The following MFSD12 variants were observed in gnomAD, a reference collection of about 807,000 sequenced individuals.
MFSD12 encodes the protein major facilitator superfamily domain containing 12, also known as major facilitator superfamily domain-containing protein 12.
MFSD12 carries 67 observed loss-of-function variants against 51.2 expected under a neutral mutation model. The observed-to-expected ratio is 1.31, with a 90% CI of 1.08 to 1.60. MFSD12 has a LOEUF of 1.60. MFSD12 is among the 40% of genes most tolerant of loss of function. The pLI is 0.00. For synonymous variants in MFSD12, 441 were observed against 316.7 expected, an observed-to-expected ratio of 1.39 and a Z score of -4.17; for missense variants, 921 against 673.0, an observed-to-expected ratio of 1.37 and a Z score of -4.08.
Position 3,544,247 on chromosome 19 carries a change from G to C in MFSD12, c.*463C>G, listed in dbSNP as rs1473625794. 14 of 1,321,800 alleles carry C rather than the reference G, an allele frequency of 1.1e-5. No individual in the cohort carries two copies. Among genetic ancestry groups the C allele is most frequent in the South Asian group, 4.4e-5 (2 of 45,504 alleles). 81.9% of individuals were successfully genotyped at this position (1,321,800 alleles called of 1,614,324 possible). On this transcript the variant is annotated 3_prime_UTR_variant, in exon 10 of 10. Transcript: ENST00000355415. ...CCAGCAGAGTCCACCAAGCCTGCCG[G>C]GCAGCCCTGCTGCCCACCACGGTGG...
At chr19:3,553,360 C>A (rs1472434811) in intron 1 of MFSD12, among the ~76,000 whole-genome samples, 1 of 151,774 alleles carries the variant, frequency 6.6e-6, no homozygotes, top group Non-Finnish European at 1.5e-5. Flanking sequence ...TCAATCCCAG[C>A]ACTTTGGGAG....
chr19:3,547,166 C>CCCGA, intron 6 of MFSD12, 106 bp downstream of exon 6: 1 of 1,011,004 alleles, frequency 9.9e-7, no homozygotes, highest in Non-Finnish European at 1.6e-6. Flanking sequence ...AAGGCGGGAA[C>CCCGA]TCGGAGGCCT....
At position 3,544,581 on chromosome 19, in the gene MFSD12, C is replaced by G; in HGVS notation, c.*129G>C. On this transcript the variant is annotated 3_prime_UTR_variant, in exon 10 of 10. Transcript: ENST00000355415. ...CCTCACCCGACCCCACCCCCGGGAG[C>G]TGGGTGAGGATGGAGGGTGGGGGTC... 6.8e-7 allele frequency: 1 copy of G among 1,466,830 alleles called. No individual in the cohort carries two copies. The highest frequency in any genetic ancestry group is 9.0e-7 in the Non-Finnish European group (1 of 1,113,294). The allele number at this position is 1,466,830 out of a possible 1,614,324, so 90.9% of individuals were successfully genotyped here.
chr19:3,548,676 C>A (rs1453042906), intron 2 of MFSD12, among the ~76,000 whole-genome samples: 3 of 148,284 alleles, frequency 2.0e-5, no homozygotes, highest in Non-Finnish European at 3.0e-5. Context: ...CCCGGCCAGG[C>A]ACAGAGTCCC....
chr19:3,544,995 C>T, intron 8 of MFSD12, 56 bp from the exon 9 acceptor site: 1 of 1,535,932 alleles, frequency 6.5e-7, no homozygotes, highest in South Asian at 1.2e-5. Flanking sequence ...CCCCGCCACC[C>T]AAGCTGAACC....
intron 2 of MFSD12, 85 bp from the exon 3 acceptor site, chr19:3,548,352 C>G: frequency 1.3e-6 from 2 of 1,502,602 alleles, no homozygotes; most frequent in African/African-American, 1.4e-5. Flanking sequence ...TCAGAGAGGC[C>G]TGGGGAACCC....
chr19:3,550,941 C>T (rs773553801), intron 2 of MFSD12, 43 bp downstream of exon 2: 55 of 1,568,414 alleles, frequency 3.5e-5, no homozygotes, highest in East Asian at 6.9e-5. Flanking sequence ...TACACCGAGC[C>T]GGGGCCCACC....
downstream of MFSD12, chr19:3,543,795 T>TGG: frequency 6.7e-7 from 1 of 1,498,492 alleles, no homozygotes; most frequent in Non-Finnish European, 9.0e-7. Flanking sequence ...GGCGAGGAGG[T>TGG]GGGGGCACAT....
At chr19:3,548,802 G>A (rs1309702187) in intron 2 of MFSD12, among the ~76,000 whole-genome samples, 2 of 152,210 alleles carry the variant, frequency 1.3e-5, no homozygotes, top group Non-Finnish European at 1.5e-5. Context: ...GCAATGGCAC[G>A]TAGGAAGTGC....
rs756502064 is a variant in MFSD12 at position 3,557,269 on chromosome 19, G to A, written c.135C>T (p.Leu45=). Residue 45 remains leucine (L), a synonymous_variant, in exon 1 of 10, where the codon CTC becomes CTT. Transcript: ENST00000355415. ...TGTAGGCGCGCACCGAGTGCAGGTA[G>A]AGCAGCAGGTAGGTGAACCACATGG... ...CASMWFTYLL[L]YLHSVRAYSS... is the part of the protein sequence containing the mutation. 1.4e-5 allele frequency: 22 copies of A among 1,598,346 alleles called. No homozygotes were observed. The Admixed American group carries it at 1.7e-4, about 12-fold the overall frequency.
rs201185359 is a variant in MFSD12 at position 3,544,989 on chromosome 19, G to A, written c.1290-50C>T. The A allele has an allele frequency of 9.9e-4, 1,522 of 1,542,184 alleles. 2 individuals carry two copies. The highest frequency in any genetic ancestry group is 1.1e-3 in the Non-Finnish European group (1,295 of 1,148,468). ...TAGGCACCGCGGGTACCACCCCCCC[G>A]CCACCCAAGCTGAACCTGTGCCTCC... On this transcript the variant is annotated intron_variant, in intron 8 of 9. Transcript: ENST00000355415.
chr19:3,545,712 G>A (rs960141723), intron 8 of MFSD12, among the ~76,000 whole-genome samples: 3 of 152,230 alleles, frequency 2.0e-5, no homozygotes, highest in Non-Finnish European at 4.4e-5. Flanking sequence ...TGGTTTCCAG[G>A]CCCTGGGCCT....
rs185575155 is a variant in MFSD12, at chr19:3,544,717, C to A, written c.1436G>T (p.Arg479Leu). 5 of 1,455,732 alleles carry A rather than the reference C, an allele frequency of 3.4e-6. No individual in the cohort carries two copies. The African/African-American group carries it at 5.8e-5, about 17-fold the overall frequency. The allele number at this position is 1,455,732 out of a possible 1,614,324, so 90.2% of individuals were successfully genotyped here. The part of the protein sequence containing the change: ...TRLRRWDRDA[R>L]P The stretch of plus-strand genomic sequence containing the variant: ...GCAGGAGGCTGTCAGGAGTCAGGGC[C>A]GGGCATCACGGTCCCCTGCAAGGGA... The change falls in exon 10 of 10, where the codon CGG becomes CTG. Residue 479 changes from arginine to leucine, a missense_variant. Arg to Leu is a moderately radical substitution (Grantham distance 102). Coordinates refer to ENST00000355415, the MANE Select transcript of MFSD12 (RefSeq NM_174983.5).
rs1476387043 is a variant in MFSD12 at position 3,557,351 on chromosome 19, G to A, written c.53C>T (p.Ser18Phe). The change falls in exon 1 of 10, where the codon TCC becomes TTC. Residue 18 changes from serine to phenylalanine, a missense_variant. By Grantham distance (155) the Ser-to-Phe change is radical. Coordinates refer to ENST00000355415, the MANE Select transcript of MFSD12 (RefSeq NM_174983.5). ...GGCGTAGCTCAGCCGCGCCACCAGGGACAGCGGCCGCGGGGACGGCGCCGC... is the reference window on the plus strand; with the variant it reads ...GGCGTAGCTCAGCCGCGCCACCAGGAACAGCGGCCGCGGGGACGGCGCCGC... ...AGAAPSPRPLSLVARLSYAVG... is the reference protein window; with the variant it reads ...AGAAPSPRPLFLVARLSYAVG... The A allele has an allele frequency of 3.3e-6, 5 of 1,525,424 alleles. No individual in the cohort carries two copies. The highest frequency in any genetic ancestry group is 2.5e-5 in the South Asian group (2 of 81,300). The allele number at this position is 1,525,424 out of a possible 1,614,324, so 94.5% of individuals were successfully genotyped here. A position where few individuals can be genotyped will look rare whatever the true frequency, so the allele number is the denominator to read the frequency against.
downstream of MFSD12, chr19:3,543,641 G>A (rs542490889): frequency 5.2e-5 from 80 of 1,543,952 alleles, no homozygotes; most frequent in Admixed American, 1.8e-4. Context: ...GTGGGGGAGC[G>A]CGCTGTGGAA....
At chr19:3,553,843 A>G (rs574951530) in intron 1 of MFSD12, among the ~76,000 whole-genome samples, 10 of 150,354 alleles carry the variant, frequency 6.7e-5, no homozygotes, top group African/African-American at 2.4e-4. Flanking sequence ...GCACTTTGGG[A>G]GGCTGCAGCG....
chr19:3,545,672 GCTGGCTCTGCCCCAGGCCCAGA>G (rs2030948598), intron 8 of MFSD12, among the ~76,000 whole-genome samples: 1 of 152,196 alleles, frequency 6.6e-6, no homozygotes, highest in Admixed American at 6.5e-5. Flanking sequence ...TATTAACACG[GCTGGCTCTGCCCCAGGCCCAGA>G]CCGGCTGTGG....
At chr19:3,547,009 T>G (rs919913543) in intron 6 of MFSD12, among the ~76,000 whole-genome samples, 3 of 152,144 alleles carry the variant, frequency 2.0e-5, no homozygotes, top group African/African-American at 7.2e-5. Flanking sequence ...TAATTTTGTT[T>G]TTGTATCTTT....
Position 3,547,926 on chromosome 19 carries a change from G to A in MFSD12, c.759C>T (p.His253=), listed in dbSNP as rs1408398390. The A allele has an allele frequency of 2.5e-6, 4 of 1,588,112 alleles. No homozygotes were observed. In the East Asian group the frequency reaches 6.7e-5, roughly 27 times the overall value. The change falls in exon 4 of 10, where the codon CAC becomes CAT. Residue 253 remains histidine, a synonymous_variant. Coordinates refer to ENST00000355415, the MANE Select transcript of MFSD12 (RefSeq NM_174983.5). ...RRPHAEEPGE[H]TPLLAPATAQ... is the part of the protein sequence containing the mutation. ...CCGTGGCAGGGGCCAACAGGGGGGT[G>A]TGCTCGCCTGGCTCCTCCGCATGCG... is the stretch of plus-strand genomic sequence containing the variant.
Sources: allele counts gnomAD v4.1 joint callset (sites outside exome capture counted in the v4.1 genomes callset), GRCh38; gene constraint gnomAD v4.1.1; transcripts MANE v1.5; gene names NCBI Gene and HGNC (gene_info 2026-07-23, HGNC 2026-07-21).